The following EYA1 variants were observed in gnomAD, a reference collection of about 807,000 sequenced individuals.
EYA1 encodes the protein protein phosphatase EYA1.
EYA1 carries 16 observed loss-of-function variants against 82.0 expected under a neutral mutation model. That is an observed-to-expected ratio of 0.20 (90% CI 0.13 to 0.30). The LOEUF (loss-of-function observed/expected upper bound fraction) is 0.30. Ranked by LOEUF, EYA1 falls within the 10% of genes least tolerant of loss-of-function variation. EYA1 has a pLI of 1.00. For missense variants in EYA1, 633 were observed against 730.7 expected (o/e 0.87, Z 1.54); for synonymous variants, 261 against 264.4 (o/e 0.99, Z 0.12).
At chr8:71,329,954 C>T (rs1365798106) in intron 4 of EYA1, among the ~76,000 whole-genome samples, 4 of 151,880 alleles carry the variant, frequency 2.6e-5, no homozygotes, top group East Asian at 1.9e-4. Flanking sequence ...GGGTGGGCCT[C>T]GATGAGGTGA....
At chr8:71,400,193 C>T (rs35749932) in intron 2 of EYA1, among the ~76,000 whole-genome samples, 1 of 151,966 alleles carries the variant, frequency 6.6e-6, no homozygotes, top group African/African-American at 2.4e-5. Flanking sequence ...TATAAAAACC[C>T]TAGATGAAAA....
At chr8:71,283,345 A>T (rs1253024310) in intron 9 of EYA1, among the ~76,000 whole-genome samples, 1 of 152,200 alleles carries the variant, frequency 6.6e-6, no homozygotes, top group African/African-American at 2.4e-5. Context: ...TACCTGCCCT[A>T]ACGCTATTCT....
intron 11 of EYA1, among the ~76,000 whole-genome samples, chr8:71,258,593 G>C (rs1304302609): frequency 1.3e-5 from 2 of 152,184 alleles, no homozygotes; most frequent in African/African-American, 4.8e-5. Context: ...AAACCACCAG[G>C]AATTTTTCTA....
At chr8:71,284,952 A>C (rs910575927) in intron 9 of EYA1, among the ~76,000 whole-genome samples, 1 of 152,200 alleles carries the variant, frequency 6.6e-6, no homozygotes, top group Non-Finnish European at 1.5e-5. Flanking sequence ...CATTTTAAAA[A>C]TGGAAATTTT....
chr8:71,231,395 CT>C (rs1287476760), intron 12 of EYA1, among the ~76,000 whole-genome samples: 4 of 152,192 alleles, frequency 2.6e-5, no homozygotes, highest in Non-Finnish European at 4.4e-5. Context: ...CACAAGCACT[CT>C]CTGTGTGTTC....
intron 4 of EYA1, among the ~76,000 whole-genome samples, chr8:71,328,949 T>G (rs1035048721): frequency 4.6e-5 from 7 of 152,186 alleles, no homozygotes; most frequent in African/African-American, 1.4e-4. Flanking sequence ...AAACATTTAC[T>G]GAGCATCTCC....
rs1047126399 is a variant in EYA1 at position 71,356,457 on chromosome 8, C to A, written c.-5+5G>T. ...AAAAATGTCAAATATCAACAATATC[C>A]TTACCTGCAACTTGAGGAAACAGCA... On this transcript the variant is annotated splice_donor_5th_base_variant and intron_variant, in intron 2 of 17. Transcript: ENST00000340726. 5 of 1,582,454 alleles carry A rather than the reference C, an allele frequency of 3.2e-6. No homozygotes were observed. In the African/African-American group the frequency reaches 6.7e-5, roughly 21 times the overall value.
chr8:71,343,845 G>A (rs999836347), intron 3 of EYA1, among the ~76,000 whole-genome samples: 1 of 152,068 alleles, frequency 6.6e-6, no homozygotes, highest in Non-Finnish European at 1.5e-5. Context: ...GAGTTTATTT[G>A]TATACAGTAA....
chr8:71,253,019 C>T (rs900288290), intron 11 of EYA1, among the ~76,000 whole-genome samples: 4 of 152,076 alleles, frequency 2.6e-5, no homozygotes, highest in Non-Finnish European at 5.9e-5. Context: ...GAATTATTGA[C>T]ATAGAGTCCA....
At chr8:71,512,057 G>A (rs898345095) in intron 2 of EYA1, among the ~76,000 whole-genome samples, 11 of 152,074 alleles carry the variant, frequency 7.2e-5, no homozygotes, top group African/African-American at 2.7e-4. Context: ...ATGATCAAAT[G>A]ATATGTATAT....
At chr8:71,289,956 G>A (rs1246469316) in intron 9 of EYA1, among the ~76,000 whole-genome samples, 1 of 152,100 alleles carries the variant, frequency 6.6e-6, no homozygotes, top group Non-Finnish European at 1.5e-5. Context: ...AAAGAGAGGC[G>A]GGGGACAGTT....
At chr8:71,274,666 A>G (rs1291860167) in intron 9 of EYA1, among the ~76,000 whole-genome samples, 5 of 152,232 alleles carry the variant, frequency 3.3e-5, no homozygotes, top group Non-Finnish European at 7.3e-5. Flanking sequence ...ACTTGTGGAC[A>G]AAAATGAGAA....
At chr8:71,442,428 C>T (rs1454286394) in intron 2 of EYA1, among the ~76,000 whole-genome samples, 1 of 152,106 alleles carries the variant, frequency 6.6e-6, no homozygotes, top group Non-Finnish European at 1.5e-5. Flanking sequence ...TGCATGTGCC[C>T]TTCTCCAAGT....
At chr8:71,362,988 C>A (rs1827525482), upstream of EYA1, among the ~76,000 whole-genome samples, 1 of 152,128 alleles carries the variant, frequency 6.6e-6, no homozygotes, top group South Asian at 2.1e-4. Context: ...CAGACCTGTG[C>A]CAACATTCAA....
At chr8:71,526,610 A>AG (rs1038044096) in intron 2 of EYA1, among the ~76,000 whole-genome samples, 5 of 152,192 alleles carry the variant, frequency 3.3e-5, no homozygotes, top group African/African-American at 1.2e-4. Context: ...TTGTTGTGGA[A>AG]GGCTTCAGTC....
At chr8:71,261,562 CCTTA>C (rs1815114430) in intron 11 of EYA1, among the ~76,000 whole-genome samples, 1 of 152,140 alleles carries the variant, frequency 6.6e-6, no homozygotes, top group Non-Finnish European at 1.5e-5. Context: ...TTAATTTTCT[CCTTA>C]CTTAAGAGAC....
chr8:71,230,252 AATCTGGCTCTACAAAG>A (rs1359731868), intron 12 of EYA1, among the ~76,000 whole-genome samples: 1 of 152,190 alleles, frequency 6.6e-6, no homozygotes, highest in African/African-American at 2.4e-5. Flanking sequence ...AACTGAGGAA[AATCTGGCTCTACAAAG>A]CAGTGACTCT....
chr8:71,461,513 G>A (rs1331969405), intron 2 of EYA1, among the ~76,000 whole-genome samples: 1 of 152,146 alleles, frequency 6.6e-6, no homozygotes, highest in African/African-American at 2.4e-5. Flanking sequence ...CCCCAAAGAG[G>A]GAATCACAGC....
Position 71,238,794 on chromosome 8 carries a change from T to A in EYA1, c.1140+5809A>T, listed in dbSNP as rs139529756. Among the ~76,000 whole-genome samples, 207 of 152,206 alleles carry A rather than the reference T, an allele frequency of 1.4e-3. 4 individuals are homozygous for A. The East Asian group carries it at 0.037, about 27-fold the overall frequency. The stretch of plus-strand genomic sequence containing the variant: ...ATTTCATTAAGTAAAGCTTGTGTCT[T>A]ATTGTACTGTCCAAAATTCCTAGAA... On this transcript the variant is annotated intron_variant, in intron 12 of 17. Transcript: ENST00000340726.
Sources: gnomAD v4.1 joint callset for allele counts (sites outside exome capture counted in the v4.1 genomes callset) on GRCh38, gnomAD v4.1.1 for gene constraint, MANE v1.5 for transcripts, NCBI Gene and HGNC (gene_info 2026-07-23, HGNC 2026-07-21) for gene names.